CNTN5: variants seen among roughly 807,000 people sequenced by gnomAD.
CNTN5 encodes the protein contactin-5.
CNTN5 carries 77 observed loss-of-function variants against 129.1 expected under a neutral mutation model. The observed-to-expected ratio is 0.60, with a 90% CI of 0.50 to 0.72. The LOEUF is 0.72. Among genes scored for constraint, CNTN5 ranks in the 30% least tolerant of loss-of-function variants. The pLI is 0.00. For missense variants in CNTN5, 1,478 were observed against 1,328.8 expected (o/e 1.11, Z -1.75); for synonymous variants, 509 against 465.6 (o/e 1.09, Z -1.20).
chr11:99,684,444 C>A (rs549367030), intron 3 of CNTN5, among the ~76,000 whole-genome samples: 2 of 151,972 alleles, frequency 1.3e-5, no homozygotes, highest in South Asian at 4.1e-4. Flanking sequence ...CCTTCTCTTC[C>A]AATCTTACTT....
At chr11:100,195,842 G>A (rs529397918) in intron 15 of CNTN5, among the ~76,000 whole-genome samples, 2 of 152,018 alleles carry the variant, frequency 1.3e-5, no homozygotes, top group South Asian at 2.1e-4. Flanking sequence ...GGCAAAGAAT[G>A]GAAAGAACAA....
At chr11:99,640,753 C>T (rs75664854) in intron 3 of CNTN5, among the ~76,000 whole-genome samples, 3 of 152,246 alleles carry the variant, frequency 2.0e-5, no homozygotes, top group South Asian at 2.1e-4. Context: ...GTAAGCTGTA[C>T]TACCTAGGTT....
At chr11:99,284,094 G>A (rs1029294592) in intron 1 of CNTN5, among the ~76,000 whole-genome samples, 1 of 152,098 alleles carries the variant, frequency 6.6e-6, no homozygotes, top group Non-Finnish European at 1.5e-5. Flanking sequence ...GATTTAAAGT[G>A]AATTATGGTT....
chr11:100,096,553 G>A (rs1008806827), intron 13 of CNTN5, among the ~76,000 whole-genome samples: 1 of 151,966 alleles, frequency 6.6e-6, no homozygotes, highest in Admixed American at 6.6e-5. Flanking sequence ...CTAGCCATCC[G>A]GGTTTGAAAT....
intron 1 of CNTN5, among the ~76,000 whole-genome samples, chr11:99,066,734 C>T (rs191730907): frequency 6.6e-6 from 1 of 152,250 alleles, no homozygotes; most frequent in East Asian, 1.9e-4. Flanking sequence ...CCAGCTCTTA[C>T]ATTGTGAAAT....
intron 1 of CNTN5, among the ~76,000 whole-genome samples, chr11:99,104,073 T>C (rs1866878260): frequency 6.6e-6 from 1 of 152,148 alleles, no homozygotes; most frequent in South Asian, 2.1e-4. Context: ...GATCAGTAAA[T>C]GCATAGAAAC....
chr11:99,571,494 C>G (rs1949173105), intron 3 of CNTN5, among the ~76,000 whole-genome samples: 1 of 152,128 alleles, frequency 6.6e-6, no homozygotes, highest in Non-Finnish European at 1.5e-5. Flanking sequence ...ACTTTAAACT[C>G]TGTTGTAACA....
chr11:99,729,632 G>A (rs547756978), intron 3 of CNTN5, among the ~76,000 whole-genome samples: 156 of 152,134 alleles, frequency 1.0e-3, no homozygotes, highest in Non-Finnish European at 1.7e-3. Context: ...TCACAGTGGC[G>A]GAGACAAGGA....
chr11:99,894,906 A>T (rs1484507031), intron 6 of CNTN5, among the ~76,000 whole-genome samples: 1 of 152,236 alleles, frequency 6.6e-6, no homozygotes, highest in African/African-American at 2.4e-5. Flanking sequence ...GTCCTTCCTC[A>T]TGGCATACCA....
At chr11:99,942,342 C>T (rs1255813763) in intron 7 of CNTN5, among the ~76,000 whole-genome samples, 2 of 151,462 alleles carry the variant, frequency 1.3e-5, no homozygotes, top group Non-Finnish European at 2.9e-5. Context: ...GTAGGGAGAC[C>T]ATATAATATA....
Position 100,340,695 on chromosome 11 carries a change from T to C in CNTN5, c.2917+46T>C, listed in dbSNP as rs199697546. ...GTTTGTTTCAGACAAAGGGGAAACA[T>C]CGTATAACATTTCTCAAAGCCACGT... On this transcript the variant is annotated intron_variant, in intron 22 of 24. Transcript: ENST00000524871. 19 of 1,501,024 alleles carry C rather than the reference T, an allele frequency of 1.3e-5. No homozygotes were observed. In the African/African-American group the frequency reaches 2.2e-4, roughly 18 times the overall value. The allele number at this position is 1,501,024 out of a possible 1,614,324, so 93.0% of individuals were successfully genotyped here.
chr11:99,156,641 AT>A (rs564364874), intron 1 of CNTN5, among the ~76,000 whole-genome samples: 87 of 151,902 alleles, frequency 5.7e-4, no homozygotes, highest in Middle Eastern at 3.4e-3. Flanking sequence ...TCATCCTATA[AT>A]TTTTTTTATA....
At chr11:99,151,585 T>A (rs1468796818) in intron 1 of CNTN5, among the ~76,000 whole-genome samples, 1 of 152,158 alleles carries the variant, frequency 6.6e-6, no homozygotes. Flanking sequence ...AGAAAATGTA[T>A]ATCAAGAAAA....
At chr11:99,306,034 G>A (rs541645859) in intron 1 of CNTN5, among the ~76,000 whole-genome samples, 1 of 152,096 alleles carries the variant, frequency 6.6e-6, no homozygotes, top group South Asian at 2.1e-4. Flanking sequence ...GAAGAACTAT[G>A]AGAAAGATAC....
intron 15 of CNTN5, among the ~76,000 whole-genome samples, chr11:100,194,330 A>G (rs1948579787): frequency 6.6e-6 from 1 of 151,986 alleles, no homozygotes; most frequent in African/African-American, 2.4e-5. Flanking sequence ...ATAGAGTAAC[A>G]TAATGAGAGA....
intron 2 of CNTN5, among the ~76,000 whole-genome samples, chr11:99,537,008 A>G (rs1947927509): frequency 6.6e-6 from 1 of 152,176 alleles, no homozygotes; most frequent in Non-Finnish European, 1.5e-5. Flanking sequence ...TATATATTTG[A>G]CACTTCCAGA....
chr11:100,325,245 C>A (rs988400514), intron 21 of CNTN5, among the ~76,000 whole-genome samples: 7 of 151,986 alleles, frequency 4.6e-5, no homozygotes, highest in African/African-American at 1.7e-4. Context: ...TCATGATATT[C>A]CAAAATATAT....
At chr11:99,894,460 T>A (rs1294314340) in intron 6 of CNTN5, among the ~76,000 whole-genome samples, 1 of 114,208 alleles carries the variant, frequency 8.8e-6, no homozygotes. Flanking sequence ...CCTGCAAAAA[T>A]CTAACTACAA....
chr11:99,561,698 G>C, intron 3 of CNTN5, among the ~76,000 whole-genome samples: 1 of 152,408 alleles, frequency 6.6e-6, no homozygotes. Context: ...CAGCTTTGTG[G>C]TTTTCCTCCC....
Sources: allele counts gnomAD v4.1 joint callset (sites outside exome capture counted in the v4.1 genomes callset), GRCh38; gene constraint gnomAD v4.1.1; transcripts MANE v1.5; gene names NCBI Gene and HGNC (gene_info 2026-07-23, HGNC 2026-07-21).